The following TEKT3 variants were observed in gnomAD, a reference collection of about 807,000 sequenced individuals.
The protein encoded by TEKT3 is tektin-3.
Under a neutral mutation model 49.8 loss-of-function variants are expected in TEKT3, and 49 were observed. The observed-to-expected ratio is 0.98, with a 90% CI of 0.78 to 1.25. The LOEUF (loss-of-function observed/expected upper bound fraction) is 1.25, where lower values mean the gene tolerates loss of function less well. Ranked by LOEUF, TEKT3 falls within the 50% of genes most tolerant of loss-of-function variation. The probability of loss-of-function intolerance (pLI) is 0.00; values close to 1 mark genes in which losing one functional copy is unlikely to be tolerated. For missense variants in TEKT3, 595 were observed against 629.5 expected, an observed-to-expected ratio of 0.95 and a Z score of 0.59; for synonymous variants, 225 against 237.2, an observed-to-expected ratio of 0.95 and a Z score of 0.47.
chr17:15,325,253 T>C (rs1316795085), intron 4 of TEKT3, among the ~76,000 whole-genome samples: 1 of 152,204 alleles, frequency 6.6e-6, no homozygotes, highest in African/African-American at 2.4e-5. Flanking sequence ...CTATATGAAT[T>C]TTAGGATCAG....
rs1327479673 is a variant in TEKT3 at position 15,303,961 on chromosome 17, G to C, written c.1448C>G (p.Thr483Ser). The C allele has an allele frequency of 3.1e-6, 5 of 1,614,084 alleles. No individual in the cohort carries two copies. The highest frequency in any genetic ancestry group is 4.2e-6 in the Non-Finnish European group (5 of 1,180,024). ...CMSMRKSYPN[T>S]LRLVGFC The stretch of plus-strand genomic sequence containing the variant: ...CTAGCAGAAGCCGACCAGCCGGAGG[G>C]TGTTGGGGTAGCTCTTGCGCATGCT... The change falls in exon 9 of 9, where the codon ACC becomes AGC. Residue 483 changes from threonine to serine, a missense_variant. Physicochemically the swap from Thr to Ser is moderately conservative, Grantham distance 58 (BLOSUM62 1). Coordinates refer to ENST00000395930, the MANE Select transcript of TEKT3 (RefSeq NM_031898.3).
chr17:15,333,317 G>C (rs1471688884), intron 2 of TEKT3, among the ~76,000 whole-genome samples: 2 of 152,180 alleles, frequency 1.3e-5, no homozygotes, highest in Non-Finnish European at 2.9e-5. Context: ...GCTATGTCTT[G>C]AGGACTTTGG....
rs141793655 is a variant in TEKT3 at position 15,314,264 on chromosome 17, C to G, written c.735-34G>C. 3,320 of 1,613,060 alleles carry G rather than the reference C, an allele frequency of 2.1e-3. 16 individuals are homozygous for G. Among genetic ancestry groups the G allele is most frequent in the Non-Finnish European group, 2.3e-3 (2,750 of 1,179,508 alleles). ...CAGAGTCGGGAAGTGGAGCTTCACA[C>G]TCAGGTGACAATGTCCTGCAAGGAC... is the stretch of plus-strand genomic sequence containing the variant. On this transcript the variant is annotated intron_variant, in intron 5 of 8. Transcript: ENST00000395930.
chr17:15,334,425 G>C (rs978415778), intron 2 of TEKT3, among the ~76,000 whole-genome samples: 2 of 152,178 alleles, frequency 1.3e-5, no homozygotes, highest in Non-Finnish European at 2.9e-5. Context: ...GGAATTTCAC[G>C]TGTAGAATGC....
intron 6 of TEKT3, among the ~76,000 whole-genome samples, chr17:15,313,337 G>A (rs1447281245): frequency 2.6e-5 from 4 of 152,224 alleles, no homozygotes; most frequent in Non-Finnish European, 5.9e-5. Context: ...AAAGTGGCTG[G>A]AAGAGACCAT....
rs1300502316 is a variant in TEKT3, at chr17:15,304,459, G to T, written c.1257-307C>A. On this transcript the variant is annotated intron_variant, in intron 8 of 8. Coordinates refer to ENST00000395930, the MANE Select transcript of TEKT3 (RefSeq NM_031898.3). The surrounding 1 kb of genome is among the most constrained non-coding windows in gnomAD (Gnocchi z 4.7). The stretch of plus-strand genomic sequence containing the variant: ...ATAGTTTCACAGAAATTCACAACTG[G>T]AAAACGAATTTAGAGAGGTCACCAA... 6.6e-6 allele frequency among the ~76,000 whole-genome samples: 1 copy of T among 152,132 alleles called. No individual in the cohort carries two copies. The highest frequency in any genetic ancestry group is 2.4e-5 in the African/African-American group (1 of 41,424).
chr17:15,319,401 T>C (rs11651313), intron 4 of TEKT3, among the ~76,000 whole-genome samples: 11,776 of 152,206 alleles, frequency 0.077, 603 homozygotes, highest in South Asian at 0.16. Context: ...GGGACATGGT[T>C]AAAATTTTAG....
chr17:15,308,617 T>C (rs764034122), intron 8 of TEKT3, 47 bp downstream of exon 8: 21 of 1,583,224 alleles, frequency 1.3e-5, no homozygotes, highest in Middle Eastern at 2.3e-4. Context: ...CCACAGTTGG[T>C]CTGGTGGCCC....
intron 2 of TEKT3, among the ~76,000 whole-genome samples, chr17:15,336,419 A>G (rs575886320): frequency 6.6e-6 from 1 of 152,320 alleles, no homozygotes; most frequent in South Asian, 2.1e-4. Flanking sequence ...AACGAAATCC[A>G]AAAGAATTCA....
At chr17:15,315,339 A>G (rs1257791368) in intron 5 of TEKT3, among the ~76,000 whole-genome samples, 1 of 152,216 alleles carries the variant, frequency 6.6e-6, no homozygotes, top group Non-Finnish European at 1.5e-5. Flanking sequence ...GGAATGAATC[A>G]GGTTTTCCTT....
chr17:15,318,686 C>T (rs1334584115), intron 5 of TEKT3, among the ~76,000 whole-genome samples: 20 of 151,964 alleles, frequency 1.3e-4, no homozygotes, highest in African/African-American at 4.6e-4. Flanking sequence ...CACAGGCACC[C>T]GCCACCATGC....
rs138856007 is a variant in TEKT3, at chr17:15,339,393, A to C, written c.-30+635T>G. On this transcript the variant is annotated intron_variant, in intron 2 of 8. Transcript: ENST00000395930. The stretch of plus-strand genomic sequence containing the variant: ...CAAACAGAATTTTAAGAAATGAGAC[A>C]TGGGCTACAAAGTCAAATACAATGT... Among the ~76,000 whole-genome samples the C allele has an allele frequency of 2.4e-3, 372 of 152,342 alleles. 1 individual carries two copies. The highest frequency in any genetic ancestry group is 8.5e-3 in the African/African-American group (352 of 41,576).
At chr17:15,312,159 A>C in intron 7 of TEKT3, 100 bp downstream of exon 7, 1 of 1,144,134 alleles carries the variant, frequency 8.7e-7, no homozygotes, top group Admixed American at 1.9e-5. Flanking sequence ...AGGCTGTCAC[A>C]TGCCTATGGT....
At chr17:15,324,807 T>C (rs1911419732) in intron 4 of TEKT3, among the ~76,000 whole-genome samples, 2 of 152,230 alleles carry the variant, frequency 1.3e-5, no homozygotes, top group African/African-American at 4.8e-5. Flanking sequence ...TTCCTTGTGT[T>C]GTTTGTGCTT....
At chr17:15,310,100 T>G (rs918671957) in intron 7 of TEKT3, among the ~76,000 whole-genome samples, 5 of 152,202 alleles carry the variant, frequency 3.3e-5, no homozygotes, top group Non-Finnish European at 5.9e-5. Flanking sequence ...TAAGGCCTTC[T>G]TCAGATACTA....
At position 15,334,064 on chromosome 17, in the gene TEKT3, GTTTAT is replaced by G. The variant is rs1356246357; in HGVS notation, c.-29-2455_-29-2451del. Among the ~76,000 whole-genome samples the G allele has an allele frequency of 4.0e-5, 6 of 151,076 alleles. No individual in the cohort carries two copies. In the South Asian group the frequency reaches 8.4e-4, roughly 21 times the overall value. Reference sequence around the variant, plus strand: ...AGGTGTGAGCCACCACGCCCAGCTGGTTTATTTTATTTTCAGAGACAGAATCTTGC... The same window carrying G: ...AGGTGTGAGCCACCACGCCCAGCTGGTTTATTTTCAGAGACAGAATCTTGC... On this transcript the variant is annotated intron_variant, in intron 2 of 8. Transcript: ENST00000395930.
At chr17:15,312,174 C>G (rs1190542194) in intron 7 of TEKT3, 85 bp downstream of exon 7, 2 of 1,344,942 alleles carry the variant, frequency 1.5e-6, no homozygotes, top group African/African-American at 1.4e-5. Flanking sequence ...TATGGTGCCT[C>G]TCTGGGAGTG....
chr17:15,315,589 GAAA>G (rs35107929), intron 5 of TEKT3, among the ~76,000 whole-genome samples: 1 of 125,170 alleles, frequency 8.0e-6, no homozygotes, highest in African/African-American at 3.1e-5. Flanking sequence ...ACACCAGTGA[GAAA>G]AAAAAAAAAA....
In TEKT3 at chr17:15,315,315, C is replaced by T. The variant is rs182174008; in HGVS notation, c.735-1085G>A. ...AAAGGAGGAATCAGATCATGCAGGG[C>T]CCTAATGGACATGGGAATGAATCAG... On this transcript the variant is annotated intron_variant, in intron 5 of 8. Coordinates refer to ENST00000395930, the MANE Select transcript of TEKT3 (RefSeq NM_031898.3). Among the ~76,000 whole-genome samples, 6 of 152,256 alleles carry T rather than the reference C, an allele frequency of 3.9e-5. No individual in the cohort carries two copies. The East Asian group carries it at 1.2e-3, about 29-fold the overall frequency.
Sources: gnomAD v4.1 joint callset for allele counts (sites outside exome capture counted in the v4.1 genomes callset) on GRCh38, gnomAD v4.1.1 for gene constraint, Gnocchi (gnomAD v3.1) non-coding constraint, MANE v1.5 for transcripts, NCBI Gene and HGNC (gene_info 2026-07-23, HGNC 2026-07-21) for gene names.